ERCC6L2: variants seen among roughly 807,000 people sequenced by gnomAD.
ERCC6L2 encodes the protein DNA excision repair protein ERCC-6-like 2.
Under a neutral mutation model 132.0 loss-of-function variants are expected in ERCC6L2, and 77 were observed. The ratio of observed to expected loss-of-function variants is 0.58; its 90% confidence interval spans 0.49 to 0.71. The LOEUF (loss-of-function observed/expected upper bound fraction) is 0.71, where lower values mean the gene tolerates loss of function less well. Ranked by LOEUF, ERCC6L2 falls within the 30% of genes least tolerant of loss-of-function variation. The probability of loss-of-function intolerance (pLI) is 0.00; values close to 1 mark genes in which losing one functional copy is unlikely to be tolerated. For missense variants in ERCC6L2, 1,542 were observed against 1,837.6 expected (o/e 0.84, Z 2.94); for synonymous variants, 583 against 632.4 (o/e 0.92, Z 1.17).
intron 4 of ERCC6L2, among the ~76,000 whole-genome samples, chr9:95,915,453 A>G (rs1829536351): frequency 6.6e-6 from 1 of 152,192 alleles, no homozygotes; most frequent in South Asian, 2.1e-4. Flanking sequence ...TCATTAAAGA[A>G]TGTCTATACC....
intron 7 of ERCC6L2, among the ~76,000 whole-genome samples, chr9:95,922,054 G>A (rs1829891668): frequency 6.6e-6 from 1 of 152,018 alleles, no homozygotes; most frequent in Non-Finnish European, 1.5e-5. Flanking sequence ...TGTGTCATGA[G>A]GATAAATACT....
chr9:95,932,867 G>A (rs1270218692), intron 11 of ERCC6L2, among the ~76,000 whole-genome samples: 1 of 152,144 alleles, frequency 6.6e-6, no homozygotes, highest in Non-Finnish European at 1.5e-5. Flanking sequence ...TTCGAAAAGA[G>A]CAATATTAAA....
At chr9:95,938,914 AT>A (rs1471889146) in intron 11 of ERCC6L2, among the ~76,000 whole-genome samples, 1 of 151,042 alleles carries the variant, frequency 6.6e-6, no homozygotes, top group Non-Finnish European at 1.5e-5. Flanking sequence ...AGGATTCTGT[AT>A]TTGTTTATGT....
chr9:95,923,160 C>T (rs1355885907), intron 8 of ERCC6L2, 100 bp from the exon 9 acceptor site: 4 of 1,384,932 alleles, frequency 2.9e-6, no homozygotes, highest in Non-Finnish European at 3.9e-6. Flanking sequence ...TAAAGTAATA[C>T]ATTCTTTCTA....
At chr9:95,997,283 CTT>C (rs2133178057) in intron 17 of ERCC6L2, among the ~76,000 whole-genome samples, 1 of 152,290 alleles carries the variant, frequency 6.6e-6, no homozygotes, top group East Asian at 1.9e-4. Flanking sequence ...TCATGGATGA[CTT>C]TGAGAGATTC....
intron 17 of ERCC6L2, among the ~76,000 whole-genome samples, chr9:95,992,126 A>T (rs73536544): frequency 0.02 from 3,114 of 152,326 alleles, 127 homozygotes; most frequent in African/African-American, 0.072. Flanking sequence ...AATATTAAAG[A>T]CATTTGTAAA....
intron 4 of ERCC6L2, among the ~76,000 whole-genome samples, chr9:95,912,815 T>C (rs372071338): frequency 6.6e-6 from 1 of 152,314 alleles, no homozygotes; most frequent in East Asian, 1.9e-4. Context: ...ATCTCACATA[T>C]TAGATTTGTC....
chr9:95,917,214 C>G (rs1829642015), intron 6 of ERCC6L2, among the ~76,000 whole-genome samples: 1 of 152,156 alleles, frequency 6.6e-6, no homozygotes, highest in Non-Finnish European at 1.5e-5. Context: ...ACTAACCTAA[C>G]TTTTAGAATT....
At chr9:95,899,261 G>A (rs890051740) in intron 3 of ERCC6L2, among the ~76,000 whole-genome samples, 2 of 152,044 alleles carry the variant, frequency 1.3e-5, no homozygotes, top group Admixed American at 1.3e-4. Flanking sequence ...ACCAGCTTGG[G>A]CAACATGTCA....
chr9:95,982,876 A>G (rs1015939085), intron 17 of ERCC6L2, among the ~76,000 whole-genome samples: 1 of 152,134 alleles, frequency 6.6e-6, no homozygotes, highest in African/African-American at 2.4e-5. Context: ...TCCAGTTTTT[A>G]AACTATAAAC....
chr9:96,040,363 G>C (rs750643621), intron 20 of ERCC6L2, among the ~76,000 whole-genome samples: 23 of 152,178 alleles, frequency 1.5e-4, no homozygotes, highest in Non-Finnish European at 3.2e-4. Flanking sequence ...GGTCTAGCTT[G>C]TTGGCTAGAT....
intron 17 of ERCC6L2, among the ~76,000 whole-genome samples, chr9:95,983,481 T>A (rs535981655): frequency 6.6e-6 from 1 of 152,352 alleles, no homozygotes; most frequent in Non-Finnish European, 1.5e-5. Context: ...AAATAATGCC[T>A]TCAAGGCAAT....
chr9:96,008,041 C>T (rs2133212853), intron 18 of ERCC6L2, among the ~76,000 whole-genome samples: 1 of 152,344 alleles, frequency 6.6e-6, no homozygotes, highest in South Asian at 2.1e-4. Context: ...CCACCTTCCA[C>T]ACTGCCACAC....
At chr9:95,913,143 T>A in intron 4 of ERCC6L2, among the ~76,000 whole-genome samples, 1 of 152,216 alleles carries the variant, frequency 6.6e-6, no homozygotes, top group Middle Eastern at 3.2e-3. Flanking sequence ...CTGGTATCCC[T>A]CAATCCTTTT....
At chr9:95,916,042 C>A (rs1829569948) in intron 5 of ERCC6L2, among the ~76,000 whole-genome samples, 185 bp from the exon 6 acceptor site, 3 of 152,204 alleles carry the variant, frequency 2.0e-5, no homozygotes, top group Admixed American at 1.3e-4. Context: ...TACATGTTCA[C>A]TGCCAGTTTC....
chr9:95,975,567 G>C (rs1832632886), intron 16 of ERCC6L2, among the ~76,000 whole-genome samples: 1 of 148,506 alleles, frequency 6.7e-6, no homozygotes, highest in Non-Finnish European at 1.5e-5. Context: ...CTTCATGTTG[G>C]TTATCCTGGG....
chr9:96,008,311 T>C (rs1356072250), intron 18 of ERCC6L2, among the ~76,000 whole-genome samples: 1 of 152,200 alleles, frequency 6.6e-6, no homozygotes, highest in Non-Finnish European at 1.5e-5. Flanking sequence ...TCTTCTTTGC[T>C]CACCAGTGCC....
intron 1 of ERCC6L2, 77 bp from the exon 2 acceptor site, chr9:95,880,792 G>T (rs1436639875): frequency 3.8e-6 from 5 of 1,331,196 alleles, no homozygotes; most frequent in Non-Finnish European, 5.2e-6. Context: ...GGTATATATT[G>T]TTTCTCACAG....
chr9:95,921,054 C>T lies in ERCC6L2; in HGVS notation c.1159-121C>T, dbSNP rs547963748. On this transcript the variant is annotated intron_variant, in intron 6 of 18. Transcript: ENST00000653738. ...CTTCCCAAAGTATTGGGATTACAGG[C>T]GTGAGCCTCTGCGCCCGGCCAGTTT... 229 of 891,920 alleles carry T rather than the reference C, an allele frequency of 2.6e-4. 3 individuals are homozygous for T. In the South Asian group the frequency reaches 2.9e-3, roughly 11 times the overall value. The allele number at this position is 891,920 out of a possible 1,614,324, so 55.3% of individuals were successfully genotyped here. A position where few individuals can be genotyped will look rare whatever the true frequency, so the allele number is the denominator to read the frequency against.
Sources: gnomAD v4.1 joint callset for allele counts (sites outside exome capture counted in the v4.1 genomes callset) on GRCh38, gnomAD v4.1.1 for gene constraint, MANE v1.5 for transcripts, NCBI Gene and HGNC (gene_info 2026-07-23, HGNC 2026-07-21) for gene names.